The following RFX3 variants were observed in gnomAD, a reference collection of about 807,000 sequenced individuals.
RFX3 encodes the protein regulatory factor X3.
RFX3 carries 14 observed loss-of-function variants against 98.6 expected under a neutral mutation model. The observed-to-expected ratio is 0.14, with a 90% confidence interval of 0.09 to 0.22. The LOEUF is 0.22. RFX3 is among the 10% of genes least tolerant of loss of function. The pLI is 1.00. For synonymous variants in RFX3, 383 were observed against 328.4 expected (o/e 1.17, Z -1.80); for missense variants, 639 against 926.9 (o/e 0.69, Z 4.03).
chr9:3,315,030 G>C (rs1442033592), intron 4 of RFX3, among the ~76,000 whole-genome samples: 4 of 152,086 alleles, frequency 2.6e-5, no homozygotes, highest in East Asian at 1.9e-4. Context: ...AGACCTAATA[G>C]ACATCTACAG....
At chr9:3,302,358 G>A (rs138087637) in intron 4 of RFX3, among the ~76,000 whole-genome samples, 41 of 151,830 alleles carry the variant, frequency 2.7e-4, no homozygotes, top group Non-Finnish European at 4.9e-4. Flanking sequence ...TACCATGTAC[G>A]ATTATTAATT....
chr9:3,307,477 T>C (rs1829464507), intron 4 of RFX3, among the ~76,000 whole-genome samples: 1 of 151,984 alleles, frequency 6.6e-6, no homozygotes, highest in African/African-American at 2.4e-5. Context: ...TAGTCCAGGA[T>C]TGAGGTGAGA....
chr9:3,260,614 A>G (rs1421197610), intron 13 of RFX3, among the ~76,000 whole-genome samples: 1 of 151,748 alleles, frequency 6.6e-6, no homozygotes, highest in Non-Finnish European at 1.5e-5. Flanking sequence ...AGAGACTTTT[A>G]AACAAATCTT....
chr9:3,359,548 G>T (rs554660910), intron 2 of RFX3, among the ~76,000 whole-genome samples: 1 of 152,148 alleles, frequency 6.6e-6, no homozygotes, highest in Admixed American at 6.6e-5. Context: ...GAGAATAAGA[G>T]AATTCCAGCC....
intron 4 of RFX3, among the ~76,000 whole-genome samples, chr9:3,311,925 C>A (rs570932069): frequency 3.9e-5 from 6 of 151,938 alleles, no homozygotes; most frequent in Admixed American, 2.0e-4. Context: ...ACAAAACAAA[C>A]CTCTACAATG....
chr9:3,321,992 T>G (rs1038206032), intron 4 of RFX3, among the ~76,000 whole-genome samples: 1 of 152,104 alleles, frequency 6.6e-6, no homozygotes, highest in Non-Finnish European at 1.5e-5. Context: ...ACTAGTCTAT[T>G]CATGTGCTTA....
At position 3,290,421 on chromosome 9, in the gene RFX3, T is replaced by C. The variant is rs367881656; in HGVS notation, c.732-2171A>G. Among the ~76,000 whole-genome samples, 55 of 152,144 alleles carry C rather than the reference T, an allele frequency of 3.6e-4. 1 individual carries two copies. Among genetic ancestry groups the C allele is most frequent in the East Asian group, 3.3e-3 (17 of 5,194 alleles). Reference sequence around the variant, plus strand: ...AGCCTCAAAATAGGACCCATTGAAATTCCTTTCAGTAACAAAAGAAGGACA... The same window carrying C: ...AGCCTCAAAATAGGACCCATTGAAACTCCTTTCAGTAACAAAAGAAGGACA... On this transcript the variant is annotated intron_variant, in intron 6 of 16. Coordinates refer to ENST00000617270, the MANE Select transcript of RFX3 (RefSeq NM_001282116.2).
intron 4 of RFX3, among the ~76,000 whole-genome samples, chr9:3,319,935 G>A (rs1422324321): frequency 6.7e-6 from 1 of 149,572 alleles, no homozygotes; most frequent in African/African-American, 2.5e-5. Context: ...TGAACAGTAA[G>A]AATGGCTCTA....
chr9:3,373,740 G>A (rs993865271), intron 2 of RFX3, among the ~76,000 whole-genome samples: 17 of 152,072 alleles, frequency 1.1e-4, no homozygotes, highest in Non-Finnish European at 2.1e-4. Flanking sequence ...AGGAGAAGGC[G>A]AAAGATTAGG....
rs944245158 is a variant in RFX3, at chr9:3,517,591, T to C, written c.-9+8156A>G. On this transcript the variant is annotated intron_variant, in intron 1 of 16. Transcript: ENST00000617270. ...GCAAGCAGTACTAGCTGGGTATTAC[T>C]GCTTCTAATAAAAGTGAGAAAGGAG... Among the ~76,000 whole-genome samples, 10 of 152,332 alleles carry C rather than the reference T, an allele frequency of 6.6e-5. No individual in the cohort carries two copies. The South Asian group carries it at 2.1e-3, about 32-fold the overall frequency.
At chr9:3,375,937 G>A (rs556768117) in intron 2 of RFX3, among the ~76,000 whole-genome samples, 1 of 152,000 alleles carries the variant, frequency 6.6e-6, no homozygotes, top group African/African-American at 2.4e-5. Flanking sequence ...TCCAGCCTGG[G>A]TGACAGAGCG....
chr9:3,329,426 A>C (rs985834284), intron 4 of RFX3, among the ~76,000 whole-genome samples: 14 of 149,602 alleles, frequency 9.4e-5, no homozygotes, highest in South Asian at 2.1e-4. Flanking sequence ...AAAAAAAAAA[A>C]AACAAAAAAC....
At chr9:3,387,765 G>A (rs1467683493) in intron 2 of RFX3, among the ~76,000 whole-genome samples, 1 of 152,002 alleles carries the variant, frequency 6.6e-6, no homozygotes, top group Non-Finnish European at 1.5e-5. Context: ...CAAGTCCCAA[G>A]TAAGAGCAAA....
intron 1 of RFX3, among the ~76,000 whole-genome samples, chr9:3,399,501 T>C (rs898177114): frequency 6.6e-6 from 1 of 151,964 alleles, no homozygotes; most frequent in Non-Finnish European, 1.5e-5. Context: ...ATCTGAAAAT[T>C]TTAAAGAGGT....
intron 15 of RFX3, among the ~76,000 whole-genome samples, chr9:3,243,780 C>T (rs907519099): frequency 6.6e-6 from 1 of 152,056 alleles, no homozygotes; most frequent in Admixed American, 6.6e-5. Flanking sequence ...AAACAAATAC[C>T]CAGCAAAGTT....
chr9:3,449,822 C>A (rs375657849), intron 1 of RFX3, among the ~76,000 whole-genome samples: 1 of 149,962 alleles, frequency 6.7e-6, no homozygotes. Flanking sequence ...GAGCTATTAT[C>A]ACACCACTGC....
intron 1 of RFX3, among the ~76,000 whole-genome samples, chr9:3,506,015 A>G (rs1358862584): frequency 6.6e-6 from 1 of 151,836 alleles, no homozygotes; most frequent in Non-Finnish European, 1.5e-5. Flanking sequence ...GAATGAAATA[A>G]TTTTTAAAAA....
At chr9:3,469,838 T>A (rs192410888) in intron 1 of RFX3, among the ~76,000 whole-genome samples, 6 of 146,774 alleles carry the variant, frequency 4.1e-5, no homozygotes, top group African/African-American at 1.5e-4. Flanking sequence ...AGAGCGTGAC[T>A]CCGTCTCAAA....
Position 3,505,327 on chromosome 9 carries a change from TA to T in RFX3, c.-9+20419del, listed in dbSNP as rs1366163105. Among the ~76,000 whole-genome samples the T allele has an allele frequency of 3.0e-3, 278 of 92,102 alleles. 16 individuals carry two copies. Among genetic ancestry groups the T allele is most frequent in the Middle Eastern group, 0.014 (1 of 70 alleles). The allele number at this position is 92,102 out of a possible 152,430, so 60.4% of individuals were successfully genotyped here. A position where few individuals can be genotyped will look rare whatever the true frequency, so the allele number is the denominator to read the frequency against. On this transcript the variant is annotated intron_variant, in intron 1 of 16. Transcript: ENST00000617270. ...ATATAAATATATATTAATGTATATT[TA>T]TATTTTATATAAATAAAATATTTTA... is the stretch of plus-strand genomic sequence containing the variant.
Sources: gnomAD v4.1 joint callset for allele counts (sites outside exome capture counted in the v4.1 genomes callset) on GRCh38, gnomAD v4.1.1 for gene constraint, MANE v1.5 for transcripts, NCBI Gene and HGNC (gene_info 2026-07-23, HGNC 2026-07-21) for gene names.